RABGAP1L: variants seen among roughly 807,000 people sequenced by gnomAD.
The protein encoded by RABGAP1L is rab GTPase-activating protein 1-like.
Under a neutral mutation model 137.7 loss-of-function variants are expected in RABGAP1L, and 63 were observed. That is an observed-to-expected ratio of 0.46 (90% CI 0.37 to 0.56). RABGAP1L has a LOEUF of 0.56. RABGAP1L is among the 20% of genes least tolerant of loss of function. The pLI, the probability that RABGAP1L is intolerant of heterozygous loss-of-function variation, is 0.00. For missense variants in RABGAP1L, 1,095 were observed against 1,244.0 expected (o/e 0.88, Z 1.80); for synonymous variants, 431 against 433.7 (o/e 0.99, Z 0.08).
At chr1:174,384,420 A>G (rs1686558058) in intron 12 of RABGAP1L, among the ~76,000 whole-genome samples, 1 of 152,088 alleles carries the variant, frequency 6.6e-6, no homozygotes, top group Non-Finnish European at 1.5e-5. Context: ...CTCTGTATAA[A>G]TTGTGCCTTA....
chr1:174,648,133 G>A (rs1426940298), intron 14 of RABGAP1L, among the ~76,000 whole-genome samples: 1 of 151,354 alleles, frequency 6.6e-6, no homozygotes, highest in Non-Finnish European at 1.5e-5. Flanking sequence ...TATCTATTTT[G>A]TAAATCTTTT....
chr1:174,662,481 A>G (rs1400005196), intron 14 of RABGAP1L, among the ~76,000 whole-genome samples: 2 of 151,882 alleles, frequency 1.3e-5, no homozygotes, highest in Admixed American at 6.6e-5. Context: ...CAGTGGCGCA[A>G]TCTCGGCTCA....
At chr1:174,610,742 C>T (rs940697713) in intron 13 of RABGAP1L, among the ~76,000 whole-genome samples, 1 of 152,206 alleles carries the variant, frequency 6.6e-6, no homozygotes, top group African/African-American at 2.4e-5. Flanking sequence ...TTAATGATCA[C>T]CATTCTAACT....
In RABGAP1L at chr1:174,977,271, C is replaced by G. The variant is rs376224957; in HGVS notation, c.2649+1089C>G. 1.3e-4 allele frequency among the ~76,000 whole-genome samples: 20 copies of G among 152,266 alleles called. 1 individual carries two copies. The highest frequency in any genetic ancestry group is 4.8e-4 in the African/African-American group (20 of 41,534). On this transcript the variant is annotated intron_variant, in intron 22 of 25. Transcript: ENST00000681986. ...AATGAGTCTTTGGCATTTACAGCGG[C>G]CCAGGATATATATTTCTTACCTACT...
chr1:174,829,204 C>T (rs1236383020), intron 19 of RABGAP1L, among the ~76,000 whole-genome samples: 5 of 147,868 alleles, frequency 3.4e-5, no homozygotes, highest in Admixed American at 1.4e-4. Flanking sequence ...ATTGAGGTAA[C>T]AAACCCTGTT....
chr1:174,821,096 G>A (rs547241065), intron 19 of RABGAP1L, among the ~76,000 whole-genome samples: 17 of 151,592 alleles, frequency 1.1e-4, no homozygotes, highest in Non-Finnish European at 2.2e-4. Flanking sequence ...TACTATTTTG[G>A]CATTCATGGC....
At chr1:174,913,204 G>A (rs541641868) in intron 19 of RABGAP1L, among the ~76,000 whole-genome samples, 1 of 152,114 alleles carries the variant, frequency 6.6e-6, no homozygotes, top group Non-Finnish European at 1.5e-5. Context: ...TCGAACTCCT[G>A]ACCTCAAGTG....
chr1:174,717,699 T>G (rs2148579155), intron 17 of RABGAP1L, among the ~76,000 whole-genome samples: 1 of 152,326 alleles, frequency 6.6e-6, no homozygotes, highest in South Asian at 2.1e-4. Flanking sequence ...TATCTAATTC[T>G]TGTCTTAGAC....
At chr1:174,619,494 TAAAG>T (rs1672238891) in intron 13 of RABGAP1L, among the ~76,000 whole-genome samples, 1 of 152,088 alleles carries the variant, frequency 6.6e-6, no homozygotes, top group Non-Finnish European at 1.5e-5. Flanking sequence ...TCAACATTCT[TAAAG>T]AAAAGAATTT....
At chr1:174,547,711 T>C in intron 13 of RABGAP1L, 1 of 758,422 alleles carries the variant, frequency 1.3e-6, no homozygotes, top group Non-Finnish European at 2.1e-6. Flanking sequence ...CTTTTAGACA[T>C]GGGGAATTTA....
chr1:174,824,055 CA>C (rs1400109653), intron 19 of RABGAP1L, among the ~76,000 whole-genome samples: 6 of 152,098 alleles, frequency 3.9e-5, no homozygotes, highest in Non-Finnish European at 8.8e-5. Context: ...TTCGGGAAGC[CA>C]AGGTGGGTGG....
chr1:174,286,885 G>C (rs1676102900), intron 10 of RABGAP1L, among the ~76,000 whole-genome samples: 1 of 151,852 alleles, frequency 6.6e-6, no homozygotes, highest in South Asian at 2.1e-4. Flanking sequence ...TTATACCATT[G>C]TGGTCAGAAA....
chr1:174,226,967 T>G (rs1186922167), intron 3 of RABGAP1L, among the ~76,000 whole-genome samples: 1 of 152,112 alleles, frequency 6.6e-6, no homozygotes, highest in Non-Finnish European at 1.5e-5. Context: ...GGTTTTTACA[T>G]TTTTAAATGG....
intron 14 of RABGAP1L, among the ~76,000 whole-genome samples, chr1:174,652,135 C>A (rs1205930156): frequency 6.6e-6 from 1 of 152,198 alleles, no homozygotes; most frequent in African/African-American, 2.4e-5. Flanking sequence ...GTTAAAAATT[C>A]TTTTCTTTAA....
At chr1:174,830,925 G>A (rs77747902) in intron 19 of RABGAP1L, among the ~76,000 whole-genome samples, 3,576 of 148,108 alleles carry the variant, frequency 0.024, 370 homozygotes, top group Middle Eastern at 0.092. Flanking sequence ...ATTACAAGGA[G>A]CATCTAACCT....
Position 174,828,370 on chromosome 1 carries a change from C to T in RABGAP1L, c.2340+16410C>T, listed in dbSNP as rs1178092269. 2.7e-5 allele frequency among the ~76,000 whole-genome samples: 4 copies of T among 148,092 alleles called. 1 individual carries two copies. The highest frequency in any genetic ancestry group is 4.9e-5 in the African/African-American group (2 of 40,612). ...CAGAGGACACTGAAGCTCCCTGTTA[C>T]CTGCAAGACAATCCCACACACCTCA... On this transcript the variant is annotated intron_variant, in intron 19 of 25. Coordinates refer to ENST00000681986, the MANE Select transcript of RABGAP1L (RefSeq NM_001366446.1).
chr1:174,981,963 A>T (rs1045015635), intron 23 of RABGAP1L, among the ~76,000 whole-genome samples: 1 of 152,172 alleles, frequency 6.6e-6, no homozygotes, highest in African/African-American at 2.4e-5. Context: ...AGAAAGATTA[A>T]TGACTTTGCC....
In RABGAP1L at chr1:174,875,507, G is replaced by A. The variant is rs930897856; in HGVS notation, c.2340+63547G>A. 53 of 985,132 alleles carry A rather than the reference G, an allele frequency of 5.4e-5. No individual in the cohort carries two copies. The African/African-American group carries it at 8.0e-4, about 15-fold the overall frequency. The allele number at this position is 985,132 out of a possible 1,614,324, so 61.0% of individuals were successfully genotyped here. On this transcript the variant is annotated intron_variant, in intron 19 of 25. Transcript: ENST00000681986. The stretch of plus-strand genomic sequence containing the variant: ...GTACTTTCTTTACCTTCCACAACAG[G>A]TGTCTTTGTCAGTGCACCTTATTCA...
chr1:174,866,515 G>C (rs1281930117), intron 19 of RABGAP1L, among the ~76,000 whole-genome samples: 1 of 152,142 alleles, frequency 6.6e-6, no homozygotes, highest in African/African-American at 2.4e-5. Context: ...TTCTATTATA[G>C]CAGTCTGTTA....
Sources: allele counts gnomAD v4.1 joint callset (sites outside exome capture counted in the v4.1 genomes callset), GRCh38; gene constraint gnomAD v4.1.1; transcripts MANE v1.5; gene names NCBI Gene and HGNC (gene_info 2026-07-23, HGNC 2026-07-21).